MYOM1: variants seen among roughly 807,000 people sequenced by gnomAD.
MYOM1 encodes myomesin-1.
MYOM1 carries 164 observed loss-of-function variants against 205.3 expected under a neutral mutation model. That is an observed-to-expected ratio of 0.80 (90% confidence interval 0.70 to 0.91). The LOEUF is 0.91. MYOM1 is among the 40% of genes least tolerant of loss of function. The probability of loss-of-function intolerance (pLI) is 0.00; values close to 1 mark genes in which losing one functional copy is unlikely to be tolerated. For missense variants in MYOM1, 2,011 were observed against 2,127.3 expected (o/e 0.95, Z 1.08); for synonymous variants, 772 against 789.4 (o/e 0.98, Z 0.37).
At chr18:3,191,780 C>A (rs1022034422) in intron 3 of MYOM1, among the ~76,000 whole-genome samples, 1 of 151,884 alleles carries the variant, frequency 6.6e-6, no homozygotes, top group African/African-American at 2.4e-5. Flanking sequence ...ACTGCAACCT[C>A]TGCCTCCCAG....
chr18:3,174,798 C>T (rs2080612935), intron 6 of MYOM1, among the ~76,000 whole-genome samples: 1 of 152,168 alleles, frequency 6.6e-6, no homozygotes, highest in South Asian at 2.1e-4. Context: ...GTTATTTACA[C>T]TTCATTTCCA....
At chr18:3,120,212 C>G (rs530853367) in intron 19 of MYOM1, among the ~76,000 whole-genome samples, 20 of 152,222 alleles carry the variant, frequency 1.3e-4, no homozygotes, top group African/African-American at 4.6e-4. Flanking sequence ...AGATCAAGTC[C>G]TGTGATTGTG....
At chr18:3,188,383 G>A (rs952893718) in intron 4 of MYOM1, among the ~76,000 whole-genome samples, 7 of 151,966 alleles carry the variant, frequency 4.6e-5, no homozygotes, top group East Asian at 1.9e-4. Flanking sequence ...TGGGGAGGCC[G>A]AGGTGGGTGG....
rs1246239808 is a variant in MYOM1, at chr18:3,209,912, T to G, written c.290+5022A>C. On this transcript the variant is annotated intron_variant, in intron 2 of 37. Coordinates refer to ENST00000356443, the MANE Select transcript of MYOM1 (RefSeq NM_003803.4). This position sits in a 1 kb window ranked among gnomAD's most constrained non-coding sequence, Gnocchi z 4.0. ...ATATAATAGATTCAATACAATGTGC[T>G]TGGTAATTTATCCCAAGCACCTAGA... 3.3e-5 allele frequency among the ~76,000 whole-genome samples: 5 copies of G among 152,222 alleles called. No individual in the cohort carries two copies. The highest frequency in any genetic ancestry group is 4.8e-5 in the African/African-American group (2 of 41,466).
chr18:3,074,930 AT>A (rs2079003880), intron 36 of MYOM1, among the ~76,000 whole-genome samples: 3 of 150,744 alleles, frequency 2.0e-5, no homozygotes, highest in African/African-American at 7.3e-5. Flanking sequence ...AGTAGCTGGG[AT>A]TACAGGCACC....
At chr18:3,143,579 C>T (rs746034080) in intron 13 of MYOM1, among the ~76,000 whole-genome samples, 20 of 152,024 alleles carry the variant, frequency 1.3e-4, no homozygotes, top group Non-Finnish European at 2.4e-4. Flanking sequence ...ACAATAACAG[C>T]ACCAAGGCTA....
chr18:3,135,865 A>G lies in MYOM1; in HGVS notation c.2026-135T>C, dbSNP rs2079951562. ...AAGCTGGACTGGAGGAGAGATGAGG[A>G]GGAAATAGGGGATGAGGCATCTGAA... On this transcript the variant is annotated intron_variant, in intron 14 of 37. Transcript: ENST00000356443. The surrounding 1 kb of genome is among the most constrained non-coding windows in gnomAD (Gnocchi z 4.1). 7 of 945,578 alleles carry G rather than the reference A, an allele frequency of 7.4e-6. No individual in the cohort carries two copies. The highest frequency in any genetic ancestry group is 1.1e-5 in the Non-Finnish European group (7 of 640,718). The allele number at this position is 945,578 out of a possible 1,614,324, so 58.6% of individuals were successfully genotyped here.
At chr18:3,225,345 C>T in the MYOM1 span, among the ~76,000 whole-genome samples, 1 of 152,322 alleles carries the variant, frequency 6.6e-6, no homozygotes, top group South Asian at 2.1e-4. Flanking sequence ...TCAATTCCTT[C>T]CTGCATCAAA....
intron 36 of MYOM1, among the ~76,000 whole-genome samples, chr18:3,073,523 C>T (rs1307746808): frequency 1.3e-5 from 2 of 152,368 alleles, no homozygotes; most frequent in East Asian, 1.9e-4. Flanking sequence ...CACCTGTAAG[C>T]CTAACCCTTC....
intron 14 of MYOM1, among the ~76,000 whole-genome samples, chr18:3,140,147 C>G (rs992886127): frequency 1.3e-5 from 2 of 152,170 alleles, no homozygotes; most frequent in African/African-American, 4.8e-5. Context: ...TGGGTCATGC[C>G]TGTAATCCCA....
chr18:3,081,318 A>C (rs2079083741), intron 33 of MYOM1, among the ~76,000 whole-genome samples: 1 of 152,230 alleles, frequency 6.6e-6, no homozygotes, highest in African/African-American at 2.4e-5. Flanking sequence ...TCAGAAAATT[A>C]AATGACCTGT....
chr18:3,100,018 T>C (rs1010422795), intron 25 of MYOM1, 141 bp downstream of exon 25: 8 of 826,630 alleles, frequency 9.7e-6, no homozygotes, highest in Non-Finnish European at 1.4e-5. Flanking sequence ...AGAAAGCACA[T>C]CTGTAGCTAC....
chr18:3,088,913 A>G (rs2079187951), intron 29 of MYOM1, among the ~76,000 whole-genome samples: 1 of 152,240 alleles, frequency 6.6e-6, no homozygotes, highest in Admixed American at 6.5e-5. Flanking sequence ...TTTGGAGATT[A>G]CTAATTAGAT....
intron 13 of MYOM1, among the ~76,000 whole-genome samples, chr18:3,142,962 A>C (rs887447657): frequency 8.5e-5 from 13 of 152,226 alleles, no homozygotes; most frequent in African/African-American, 3.1e-4. Flanking sequence ...AATGGGGTAC[A>C]GAAGAAATAT....
the MYOM1 span, among the ~76,000 whole-genome samples, chr18:3,236,062 T>C: frequency 4.6e-5 from 7 of 152,274 alleles, no homozygotes; most frequent in South Asian, 8.3e-4. Flanking sequence ...TCCCAGAACC[T>C]GAGTTATTGG....
At chr18:3,127,305 A>ATATTT (rs56880961) in intron 18 of MYOM1, among the ~76,000 whole-genome samples, 958 of 47,646 alleles carry the variant, frequency 0.02, 39 homozygotes, top group Non-Finnish European at 0.027. Context: ...ATATATATAT[A>ATATTT]TTTTTTTTTT....
At chr18:3,194,909 TAA>T (rs5822742) in intron 2 of MYOM1, among the ~76,000 whole-genome samples, 2 of 147,258 alleles carry the variant, frequency 1.4e-5, no homozygotes, top group African/African-American at 5.0e-5. Flanking sequence ...AAACTATTCT[TAA>T]AAAAAAAAAA....
the MYOM1 span, among the ~76,000 whole-genome samples, chr18:3,232,261 CG>C: frequency 6.6e-6 from 1 of 151,656 alleles, no homozygotes; most frequent in Non-Finnish European, 1.5e-5. Flanking sequence ...ATCCTGGAGG[CG>C]GAGCTTGCAG....
chr18:3,102,510 T>C lies in MYOM1; in HGVS notation c.3539A>G (p.Asp1180Gly), dbSNP rs188319622. The change falls in exon 23 of 38, where the codon GAC (aspartate) becomes GGC (glycine). Residue 1180 changes from aspartate (D) to glycine (G), a missense_variant. Physicochemically the swap from Asp to Gly is moderately conservative, Grantham distance 94. Coordinates refer to ENST00000356443, the MANE Select transcript of MYOM1 (RefSeq NM_003803.4). ...GCTTTCGACTTCCAATCGTGGAGAG[T>C]CCTCAGTGGATACATAATCTTTGGA... The part of the protein sequence containing the change: ...SWSKDYVSTE[D>G]SPRLEVESKG... 458 of 1,613,292 alleles carry C rather than the reference T, an allele frequency of 2.8e-4. 2 individuals carry two copies. The African/African-American group carries it at 5.3e-3, about 19-fold the overall frequency.
Sources: gnomAD v4.1 joint callset for allele counts (sites outside exome capture counted in the v4.1 genomes callset) on GRCh38, gnomAD v4.1.1 for gene constraint, Gnocchi (gnomAD v3.1) non-coding constraint, MANE v1.5 for transcripts, NCBI Gene and HGNC (gene_info 2026-07-23, HGNC 2026-07-21) for gene names.